The following KMT2C variants were observed in gnomAD, a reference collection of about 807,000 sequenced individuals.
KMT2C encodes the protein lysine methyltransferase 2C.
A neutral mutation model predicts 507.9 loss-of-function variants in KMT2C; 88 were observed. The observed-to-expected ratio is 0.17, with a 90% CI of 0.15 to 0.21. The LOEUF (loss-of-function observed/expected upper bound fraction) is 0.21, where lower values mean the gene tolerates loss of function less well. Ranked by LOEUF, KMT2C falls within the 10% of genes least tolerant of loss-of-function variation. The probability of loss-of-function intolerance (pLI) is 1.00; values close to 1 mark genes in which losing one functional copy is unlikely to be tolerated. For synonymous variants in KMT2C, 2,049 were observed against 2,080.8 expected, an observed-to-expected ratio of 0.98 and a Z score of 0.42; for missense variants, 4,954 against 5,957.8, an observed-to-expected ratio of 0.83 and a Z score of 5.55.
intron 9 of KMT2C, among the ~76,000 whole-genome samples, chr7:152,255,109 T>TTATGTA (rs1554583517): frequency 3.1e-4 from 24 of 78,350 alleles, no homozygotes; most frequent in Non-Finnish European, 4.8e-4. Context: ...CAACTCTCAC[T>TTATGTA]TATATATATA....
In KMT2C at chr7:152,248,044, A is replaced by C. The variant is rs1272939000; in HGVS notation, c.2390T>G (p.Leu797Arg). ...ACTAAGAGCTGAAGGGTAATTATGC[A>C]GCATGTCATGCGAAGGCAAGTCTGA... is the stretch of plus-strand genomic sequence containing the variant. ...PSSDLPSHDM[L>R]HNYPSALSSS... Residue 797 changes from leucine (L) to arginine (R), a missense_variant, in exon 14 of 59, where the codon CTG becomes CGG. Around this residue, in one of 29 missense-constraint regions of KMT2C, gnomAD observed 7 missense variants for 72.6 expected, o/e 0.10. Coordinates refer to ENST00000262189, the MANE Select transcript of KMT2C (RefSeq NM_170606.3). 6.2e-7 allele frequency: 1 copy of C among 1,614,154 alleles called. No homozygotes were observed. Among genetic ancestry groups the C allele is most frequent in the Non-Finnish European group, 8.5e-7 (1 of 1,180,030 alleles).
In KMT2C at chr7:152,435,914, G is replaced by T; in HGVS notation, c.-128C>A. 9.8e-7 allele frequency: 1 copy of T among 1,023,362 alleles called. No homozygotes were observed. The highest frequency in any genetic ancestry group is 1.3e-6 in the Non-Finnish European group (1 of 747,628). 63.4% of individuals were successfully genotyped at this position (1,023,362 alleles called of 1,614,324 possible). A position where few individuals can be genotyped will look rare whatever the true frequency, so the allele number is the denominator to read the frequency against. On this transcript the variant is annotated 5_prime_UTR_variant, in exon 1 of 59. The change creates a new upstream start codon in the 5' untranslated region. Transcript: ENST00000262189. ...GGCTCAGCCTCTCGCATTTCCCGCA[G>T]CCCCGGGAGCAGCAGCAGGTACCGG... is the stretch of plus-strand genomic sequence containing the variant.
intron 6 of KMT2C, among the ~76,000 whole-genome samples, chr7:152,296,474 T>C (rs887994088): frequency 6.6e-6 from 1 of 150,790 alleles, no homozygotes; most frequent in African/African-American, 2.4e-5. Context: ...AGAAATATGC[T>C]AGGATGGGAC....
At position 152,199,481 on chromosome 7, in the gene KMT2C, C is replaced by T. The variant is rs750467457; in HGVS notation, c.4093-22G>A. The T allele has an allele frequency of 3.4e-6, 5 of 1,456,532 alleles. No individual in the cohort carries two copies. In the Admixed American group the frequency reaches 1.1e-4, roughly 31 times the overall value. 90.2% of individuals were successfully genotyped at this position (1,456,532 alleles called of 1,614,324 possible). ...CTTCCTAGATGAAGATAAGCACATA[C>T]AAAAATGGTTAGAAAATTCTAAAAA... On this transcript the variant is annotated intron_variant, in intron 26 of 58. Transcript: ENST00000262189.
chr7:152,370,735 T>C (rs1484779032), intron 1 of KMT2C, among the ~76,000 whole-genome samples: 2 of 152,236 alleles, frequency 1.3e-5, no homozygotes, highest in East Asian at 3.8e-4. Flanking sequence ...TAATCTACCA[T>C]GTTAGAAGTC....
At chr7:152,383,658 A>C (rs2097394770) in intron 1 of KMT2C, among the ~76,000 whole-genome samples, 2 of 152,164 alleles carry the variant, frequency 1.3e-5, no homozygotes, top group African/African-American at 4.8e-5. Flanking sequence ...TGAACTCTAG[A>C]TGCAGACTGT....
intron 2 of KMT2C, among the ~76,000 whole-genome samples, chr7:152,352,087 C>T (rs1180169660): frequency 1.3e-5 from 2 of 152,202 alleles, no homozygotes; most frequent in East Asian, 3.9e-4. Context: ...TTCTTTTTCT[C>T]AGCAAGGAAC....
chr7:152,311,982 C>T (rs1225620570), intron 4 of KMT2C, 36 bp from the exon 5 acceptor site: 14 of 1,504,054 alleles, frequency 9.3e-6, no homozygotes, highest in Non-Finnish European at 1.3e-5. Flanking sequence ...AAAGTGAAAA[C>T]AAGCAGAAAA....
chr7:152,165,565 C>T (rs1419303620), intron 42 of KMT2C, among the ~76,000 whole-genome samples: 4 of 152,210 alleles, frequency 2.6e-5, no homozygotes, highest in African/African-American at 9.7e-5. Context: ...GAATTATGAT[C>T]ACCTTATTGT....
At chr7:152,426,293 A>G (rs1254928430) in intron 1 of KMT2C, among the ~76,000 whole-genome samples, 2 of 138,306 alleles carry the variant, frequency 1.4e-5, no homozygotes, top group Non-Finnish European at 3.0e-5. Flanking sequence ...GCTGGAGTGC[A>G]GTGGCATGAT....
chr7:152,249,918 G>A lies in KMT2C; in HGVS notation c.1771C>T (p.His591Tyr), dbSNP rs2129165504. Residue 591 changes from histidine to tyrosine, a missense_variant, in exon 13 of 59, where the codon CAT becomes TAT. Physicochemically the swap from His to Tyr is moderately conservative, Grantham distance 83. Transcript: ENST00000262189. ...QVHTEEQQKSHPSESLDTDSL... is the reference protein window; with the variant it reads ...QVHTEEQQKSYPSESLDTDSL... ...TCTGTGTCAAGACTTTCTGAGGGAT[G>A]ACTCTTCTGTTGCTCTTCAGTGTGG... 1 of 1,610,350 alleles carries A rather than the reference G, an allele frequency of 6.2e-7. No individual in the cohort carries two copies. Among genetic ancestry groups the A allele is most frequent in the South Asian group, 1.1e-5 (1 of 90,998 alleles).
rs2129164548 is a variant in KMT2C at position 152,248,561 on chromosome 7, T to A, written c.1873A>T (p.Ser625Cys). 6.2e-7 allele frequency: 1 copy of A among 1,613,806 alleles called. No homozygotes were observed. Residue 625 changes from serine to cysteine, a missense_variant, in exon 14 of 59, where the codon AGT (serine) becomes TGT (cysteine). Coordinates refer to ENST00000262189, the MANE Select transcript of KMT2C (RefSeq NM_170606.3). ...TCAGAAGACATTTTCAGGTCTTCAC[T>A]ATCAACTTCATTAGAAATCTGTTTT... ...LEKQISNEVDSEDLKMSSEVK... is the reference protein window; with the variant it reads ...LEKQISNEVDCEDLKMSSEVK...
chr7:152,270,394 G>A (rs1242446167), intron 7 of KMT2C, among the ~76,000 whole-genome samples: 2 of 152,184 alleles, frequency 1.3e-5, no homozygotes, highest in East Asian at 3.8e-4. Flanking sequence ...GGAACAGGGG[G>A]TGAATTAGGA....
rs61730539 is a variant in KMT2C, at chr7:152,181,908, T to C, written c.5952A>G (p.Leu1984=). The C allele has an allele frequency of 4.3e-6, 7 of 1,614,198 alleles. No individual in the cohort carries two copies. Among genetic ancestry groups the C allele is most frequent in the Non-Finnish European group, 5.1e-6 (6 of 1,180,040 alleles). The change falls in exon 36 of 59, where the codon CTA becomes CTG. Residue 1984 remains leucine, a synonymous_variant. Transcript: ENST00000262189. ...MTDQFPKSLG[L]SRSPVVSEQT... is the part of the protein sequence containing the mutation. The stretch of plus-strand genomic sequence containing the variant: ...GTTCTGAAACTACAGGAGACCGGGA[T>C]AGGCCCAAGGATTTGGGAAATTGAT...
intron 1 of KMT2C, chr7:152,367,319 C>A: frequency 1.0e-6 from 1 of 974,274 alleles, no homozygotes; most frequent in Non-Finnish European, 1.6e-6. Flanking sequence ...GAGCCCTGAC[C>A]TGCACCTTCG....
At chr7:152,277,386 A>G (rs1232479846) in intron 6 of KMT2C, among the ~76,000 whole-genome samples, 4 of 152,218 alleles carry the variant, frequency 2.6e-5, no homozygotes, top group Non-Finnish European at 5.9e-5. Flanking sequence ...TCTGTTTTAT[A>G]TGAGTACCAG....
intron 14 of KMT2C, among the ~76,000 whole-genome samples, chr7:152,245,599 T>C (rs1331129385): frequency 1.3e-5 from 2 of 152,214 alleles, no homozygotes; most frequent in Non-Finnish European, 2.9e-5. Context: ...GGCTAGCTTG[T>C]ACCTCCAGAT....
At chr7:152,137,712 A>G (rs1156341981) in intron 58 of KMT2C, 2 of 152,200 alleles carry the variant, frequency 1.3e-5, no homozygotes, top group African/African-American at 2.4e-5. Context: ...CATTTTCTCT[A>G]TCTTGCAGAA....
At chr7:152,401,945 T>C (rs1365408933) in intron 1 of KMT2C, among the ~76,000 whole-genome samples, 1 of 152,310 alleles carries the variant, frequency 6.6e-6, no homozygotes, top group Admixed American at 6.5e-5. Flanking sequence ...ACCTCATCTC[T>C]ACTAAAAATA....
Sources: gnomAD v4.1 joint callset for allele counts (sites outside exome capture counted in the v4.1 genomes callset) on GRCh38, gnomAD v4.1.1 for gene constraint, gnomAD v4.1.1 regional missense constraint, MANE v1.5 for transcripts, NCBI Gene and HGNC (gene_info 2026-07-23, HGNC 2026-07-21) for gene names.